The following PPFIBP1 variants were observed in gnomAD, a reference collection of about 807,000 sequenced individuals.
The protein encoded by PPFIBP1 is liprin-beta-1.
A neutral mutation model predicts 137.8 loss-of-function variants in PPFIBP1; 112 were observed. The observed-to-expected ratio is 0.81, with a 90% confidence interval of 0.70 to 0.95. The LOEUF (loss-of-function observed/expected upper bound fraction) is 0.95, where lower values mean the gene tolerates loss of function less well. Ranked by LOEUF, PPFIBP1 falls within the 40% of genes least tolerant of loss-of-function variation. The pLI, the probability that PPFIBP1 is intolerant of heterozygous loss-of-function variation, is 0.00. For synonymous variants in PPFIBP1, 378 were observed against 417.3 expected, an observed-to-expected ratio of 0.91 and a Z score of 1.15; for missense variants, 1,083 against 1,196.6, an observed-to-expected ratio of 0.91 and a Z score of 1.40.
chr12:27,636,432 T>G (rs1449830874), intron 4 of PPFIBP1: 1 of 152,080 alleles, frequency 6.6e-6, no homozygotes, highest in African/African-American at 2.4e-5. Flanking sequence ...CAATGTCCTA[T>G]CTCACCCCTT....
chr12:27,657,748 T>C (rs2059296729), intron 9 of PPFIBP1, among the ~76,000 whole-genome samples: 2 of 152,134 alleles, frequency 1.3e-5, no homozygotes, highest in South Asian at 2.1e-4. Flanking sequence ...GTTTGGCATA[T>C]ATATAATTGT....
At chr12:27,626,156 G>GA (rs1423823656) in intron 2 of PPFIBP1, among the ~76,000 whole-genome samples, 1 of 151,912 alleles carries the variant, frequency 6.6e-6, no homozygotes, top group Non-Finnish European at 1.5e-5. Context: ...GATTGGGGAG[G>GA]AAAAAAACAT....
At chr12:27,635,763 C>T (rs371478834) in intron 4 of PPFIBP1, 15 of 152,398 alleles carry the variant, frequency 9.8e-5, no homozygotes, top group African/African-American at 3.6e-4. Flanking sequence ...TGGTGTTACT[C>T]ACTGAACAAT....
chr12:27,571,447 T>TG (rs1250454995), intron 1 of PPFIBP1, among the ~76,000 whole-genome samples: 5 of 151,382 alleles, frequency 3.3e-5, no homozygotes, highest in Admixed American at 3.3e-4. Flanking sequence ...AGAGGGAAAA[T>TG]GGGGGAGGAG....
intron 1 of PPFIBP1, among the ~76,000 whole-genome samples, chr12:27,571,985 G>A (rs1278818190): frequency 2.6e-5 from 4 of 152,020 alleles, no homozygotes; most frequent in African/African-American, 9.7e-5. Flanking sequence ...TTCCTCTGAG[G>A]ACATGATGAC....
chr12:27,661,208 A>G (rs535208656), intron 11 of PPFIBP1, among the ~76,000 whole-genome samples: 19 of 152,334 alleles, frequency 1.2e-4, no homozygotes, highest in African/African-American at 4.3e-4. Flanking sequence ...CGTGACATGT[A>G]AGAGAGAGGA....
intron 1 of PPFIBP1, among the ~76,000 whole-genome samples, chr12:27,540,582 A>T (rs1052213551): frequency 6.6e-6 from 1 of 152,158 alleles, no homozygotes; most frequent in Non-Finnish European, 1.5e-5. Context: ...TGTATTTCAG[A>T]TCATTCCTGT....
At chr12:27,556,020 G>A (rs561357309) in intron 1 of PPFIBP1, among the ~76,000 whole-genome samples, 2 of 152,322 alleles carry the variant, frequency 1.3e-5, no homozygotes, top group East Asian at 1.9e-4. Context: ...TTAACAATTA[G>A]CCTACTGAAT....
chr12:27,599,940 A>C (rs559490598), intron 2 of PPFIBP1, among the ~76,000 whole-genome samples: 8 of 152,338 alleles, frequency 5.3e-5, no homozygotes, highest in African/African-American at 1.9e-4. Flanking sequence ...TAGAATAAAA[A>C]AAGGACATTA....
intron 1 of PPFIBP1, among the ~76,000 whole-genome samples, 154 bp downstream of exon 1, chr12:27,524,519 G>T (rs1943489741): frequency 6.6e-6 from 1 of 151,808 alleles, no homozygotes; most frequent in Non-Finnish European, 1.5e-5. Context: ...TTTTGGGGGT[G>T]GTGGGGGTGG....
chr12:27,663,925 G>A (rs2059700816), intron 11 of PPFIBP1, among the ~76,000 whole-genome samples: 2 of 152,154 alleles, frequency 1.3e-5, no homozygotes, highest in South Asian at 4.1e-4. Flanking sequence ...TTTAAGAGGG[G>A]AGAAGCCAGA....
chr12:27,691,979 C>T, intron 28 of PPFIBP1, 51 bp downstream of exon 28: 2 of 1,469,326 alleles, frequency 1.4e-6, no homozygotes, highest in Non-Finnish European at 1.8e-6. Context: ...CATTCAGACA[C>T]TAAATGGGAA....
At chr12:27,530,761 G>A (rs534787268) in intron 1 of PPFIBP1, among the ~76,000 whole-genome samples, 22 of 152,316 alleles carry the variant, frequency 1.4e-4, no homozygotes, top group African/African-American at 4.8e-4. Flanking sequence ...TGGATGCCCC[G>A]TTCCCCAAAG....
intron 4 of PPFIBP1, among the ~76,000 whole-genome samples, chr12:27,644,295 C>G (rs1385619353): frequency 1.4e-5 from 2 of 139,854 alleles, no homozygotes; most frequent in Non-Finnish European, 3.1e-5. Flanking sequence ...GCCATGTTGC[C>G]TATGCTGGCC....
At chr12:27,612,329 T>G (rs200194568) in intron 2 of PPFIBP1, among the ~76,000 whole-genome samples, 2,761 of 63,324 alleles carry the variant, frequency 0.044, 222 homozygotes, top group Admixed American at 0.24. Context: ...TTTATTGGTG[T>G]TTTTTTTTTT....
chr12:27,627,051 A>G (rs2056877508), intron 2 of PPFIBP1, among the ~76,000 whole-genome samples: 1 of 152,202 alleles, frequency 6.6e-6, no homozygotes, highest in Admixed American at 6.5e-5. Flanking sequence ...CATAATAATC[A>G]CATCAGGGTA....
chr12:27,582,856 G>A (rs1396811944), intron 2 of PPFIBP1, among the ~76,000 whole-genome samples: 9 of 152,214 alleles, frequency 5.9e-5, no homozygotes, highest in Non-Finnish European at 1.2e-4. Flanking sequence ...TACCAGTGGT[G>A]TAATCCTAAC....
intron 10 of PPFIBP1, 32 bp downstream of exon 10, chr12:27,658,880 C>T (rs748899367): frequency 1.9e-6 from 3 of 1,593,108 alleles, no homozygotes; most frequent in Non-Finnish European, 1.7e-6. Flanking sequence ...TCAGCCTTTA[C>T]ATTCACCAAA....
Position 27,595,911 on chromosome 12 carries a change from ATATATATATATT to A in PPFIBP1, c.-36+17674_-36+17685del, listed in dbSNP as rs2053229149. Among the ~76,000 whole-genome samples the A allele has an allele frequency of 1.6e-4, 12 of 76,324 alleles. 1 individual carries two copies. The South Asian group carries it at 4.3e-3, about 28-fold the overall frequency. 50.1% of individuals were successfully genotyped at this position (76,324 alleles called of 152,430 possible). On this transcript the variant is annotated intron_variant, in intron 2 of 29. Coordinates refer to ENST00000228425, the MANE Select transcript of PPFIBP1 (RefSeq NM_003622.4). ...AATATATATATATATATATATATAT[ATATATATATATT>A]TTATGCCCATACCATCCCGGATTGA...
Sources: gnomAD v4.1 joint callset for allele counts (sites outside exome capture counted in the v4.1 genomes callset) on GRCh38, gnomAD v4.1.1 for gene constraint, MANE v1.5 for transcripts, NCBI Gene and HGNC (gene_info 2026-07-23, HGNC 2026-07-21) for gene names.